The following RBFOX1 variants were observed in gnomAD, a reference collection of about 807,000 sequenced individuals.
RBFOX1 encodes the protein RNA binding protein fox-1 homolog 1.
RBFOX1 carries 8 observed loss-of-function variants against 57.7 expected under a neutral mutation model. The observed-to-expected ratio is 0.14, with a 90% CI of 0.08 to 0.25. The LOEUF is 0.25. RBFOX1 is among the 10% of genes least tolerant of loss of function. The probability of loss-of-function intolerance (pLI) is 1.00; values close to 1 mark genes in which losing one functional copy is unlikely to be tolerated. For missense variants in RBFOX1, 611 were observed against 548.5 expected (o/e 1.11, Z -1.14); for synonymous variants, 326 against 222.4 (o/e 1.47, Z -4.15).
chr16:6,649,458 C>G (rs772997229), intron 2 of RBFOX1, among the ~76,000 whole-genome samples: 32 of 152,206 alleles, frequency 2.1e-4, no homozygotes, highest in African/African-American at 7.0e-4. Flanking sequence ...TTTTAATGCA[C>G]CCATCACCCA....
chr16:6,080,920 A>C (rs1383265160), intron 1 of RBFOX1, among the ~76,000 whole-genome samples: 1 of 152,190 alleles, frequency 6.6e-6, no homozygotes, highest in Non-Finnish European at 1.5e-5. Flanking sequence ...AATCAAAGAC[A>C]TAGTCTGCAT....
intron 1 of RBFOX1, among the ~76,000 whole-genome samples, chr16:5,344,009 C>A (rs754501741): frequency 1.8e-4 from 28 of 152,152 alleles, no homozygotes; most frequent in Admixed American, 1.2e-3. Context: ...CTGGGGTGTT[C>A]TGCTTATGCC....
At chr16:7,643,175 G>C (rs538611888) in intron 11 of RBFOX1, among the ~76,000 whole-genome samples, 1 of 152,278 alleles carries the variant, frequency 6.6e-6, no homozygotes, top group Non-Finnish European at 1.5e-5. Flanking sequence ...GACCTTACAT[G>C]ATCAAAGAAT....
intron 2 of RBFOX1, among the ~76,000 whole-genome samples, chr16:5,538,987 C>G (rs2044819609): frequency 6.6e-6 from 1 of 152,156 alleles, no homozygotes; most frequent in Admixed American, 6.5e-5. Context: ...AGCAGCACGG[C>G]TCCCACACAC....
rs374059899 is a variant in RBFOX1 at position 5,947,256 on chromosome 16, G to C, written c.351+79921G>C. On this transcript the variant is annotated intron_variant, in intron 4 of 19. Transcript: ENST00000641259. This position sits in a 1 kb window ranked among gnomAD's most constrained non-coding sequence, Gnocchi z 7.2. Reference sequence around the variant, plus strand: ...CAGAAGAAAGGCTACTAAGGCTGGAGAGCACAGTGGGTAAGGAGGAGGTGG... The same window carrying C: ...CAGAAGAAAGGCTACTAAGGCTGGACAGCACAGTGGGTAAGGAGGAGGTGG... Among the ~76,000 whole-genome samples, 2 of 152,270 alleles carry C rather than the reference G, an allele frequency of 1.3e-5. No homozygotes were observed. The highest frequency in any genetic ancestry group is 3.9e-4 in the East Asian group (2 of 5,160).
chr16:6,350,093 A>C (rs1274892566), intron 2 of RBFOX1, among the ~76,000 whole-genome samples: 1 of 152,166 alleles, frequency 6.6e-6, no homozygotes, highest in Admixed American at 6.6e-5. Flanking sequence ...AAAATCATGC[A>C]ATTGATATTG....
At chr16:7,574,342 A>G (rs1330976133) in intron 5 of RBFOX1, among the ~76,000 whole-genome samples, 3 of 152,180 alleles carry the variant, frequency 2.0e-5, no homozygotes, top group Admixed American at 6.5e-5. Context: ...ATAGATGTTT[A>G]TGTAAAGGGG....
At chr16:5,241,270 A>G (rs1363475953) in intron 1 of RBFOX1, among the ~76,000 whole-genome samples, 1 of 152,316 alleles carries the variant, frequency 6.6e-6, no homozygotes, top group East Asian at 1.9e-4. Context: ...GGTCACCTGG[A>G]CACCGAACTC....
At chr16:6,006,878 C>T (rs2094930575) in intron 4 of RBFOX1, among the ~76,000 whole-genome samples, 1 of 152,188 alleles carries the variant, frequency 6.6e-6, no homozygotes, top group Non-Finnish European at 1.5e-5. Flanking sequence ...GCATGCTCAG[C>T]ACACAAGCTC....
intron 3 of RBFOX1, among the ~76,000 whole-genome samples, chr16:6,794,154 C>G (rs143755305): frequency 6.6e-6 from 1 of 152,142 alleles, no homozygotes; most frequent in East Asian, 1.9e-4. Flanking sequence ...GGAAAGTGTT[C>G]CCTAAGTTCT....
At chr16:6,237,210 T>C (rs1304988553) in intron 1 of RBFOX1, among the ~76,000 whole-genome samples, 2 of 152,198 alleles carry the variant, frequency 1.3e-5, no homozygotes, top group Non-Finnish European at 2.9e-5. Flanking sequence ...TCGTTAGGTA[T>C]TTCGTCTTTG....
intron 2 of RBFOX1, among the ~76,000 whole-genome samples, chr16:6,615,248 C>T (rs574055061): frequency 6.6e-6 from 1 of 152,176 alleles, no homozygotes; most frequent in African/African-American, 2.4e-5. Flanking sequence ...TGGATTTAGA[C>T]TAGAATCTCA....
At chr16:7,460,403 GTGTGTGTGTGTGTGTA>G (rs1446272036) in intron 4 of RBFOX1, among the ~76,000 whole-genome samples, 7 of 54,062 alleles carry the variant, frequency 1.3e-4, no homozygotes, top group Admixed American at 4.3e-4. Flanking sequence ...GTGTGTGTGT[GTGTGTGTGTGTGTGTA>G]TATACATATG....
chr16:7,658,671 C>T (rs887273), intron 12 of RBFOX1, among the ~76,000 whole-genome samples: 16,747 of 152,124 alleles, frequency 0.11, 1,119 homozygotes, highest in South Asian at 0.2. Flanking sequence ...CGATGAGTAC[C>T]TATTAGGTAC....
intron 4 of RBFOX1, among the ~76,000 whole-genome samples, chr16:5,929,223 G>A (rs934632892): frequency 1.3e-5 from 2 of 152,072 alleles, no homozygotes; most frequent in Admixed American, 6.5e-5. Context: ...CAGCACCTCT[G>A]TGCCACTTTC....
intron 4 of RBFOX1, among the ~76,000 whole-genome samples, chr16:7,448,543 C>G (rs1358492408): frequency 6.6e-6 from 1 of 152,176 alleles, no homozygotes; most frequent in Admixed American, 6.5e-5. Context: ...GGAAGACCCA[C>G]CTCTATGATT....
intron 9 of RBFOX1, among the ~76,000 whole-genome samples, chr16:7,599,407 A>G (rs2152970259): frequency 6.6e-6 from 1 of 152,332 alleles, no homozygotes; most frequent in South Asian, 2.1e-4. Flanking sequence ...TTATTTTAAA[A>G]GAGTTATTGA....
At chr16:6,320,004 G>A (rs929577876) in intron 2 of RBFOX1, among the ~76,000 whole-genome samples, 1 of 151,838 alleles carries the variant, frequency 6.6e-6, no homozygotes, top group Non-Finnish European at 1.5e-5. Flanking sequence ...TTTTCACCAA[G>A]TCTTAATGAG....
intron 4 of RBFOX1, among the ~76,000 whole-genome samples, chr16:7,052,498 G>A (rs978666584): frequency 2.6e-5 from 4 of 152,138 alleles, no homozygotes; most frequent in African/African-American, 9.7e-5. Context: ...TGACTGGGGT[G>A]GGTGAGCAAG....
Sources: gnomAD v4.1 joint callset for allele counts (sites outside exome capture counted in the v4.1 genomes callset) on GRCh38, gnomAD v4.1.1 for gene constraint, Gnocchi (gnomAD v3.1) non-coding constraint, MANE v1.5 for transcripts, NCBI Gene and HGNC (gene_info 2026-07-23, HGNC 2026-07-21) for gene names.